Variants in BBS9 observed in about 807,000 individuals in gnomAD.
The protein encoded by BBS9 is protein PTHB1.
Under a neutral mutation model 117.7 loss-of-function variants are expected in BBS9, and 89 were observed. The ratio of observed to expected loss-of-function variants is 0.76; its 90% CI spans 0.64 to 0.90. The LOEUF (loss-of-function observed/expected upper bound fraction) is 0.90. Ranked by LOEUF, BBS9 falls within the 40% of genes least tolerant of loss-of-function variation. BBS9 has a pLI of 0.00. For missense variants in BBS9, 982 were observed against 1,042.2 expected (o/e 0.94, Z 0.80); for synonymous variants, 379 against 370.9 (o/e 1.02, Z -0.25).
intron 5 of BBS9, among the ~76,000 whole-genome samples, chr7:33,226,535 CTGTGTA>C (rs1487361934): frequency 6.6e-6 from 1 of 152,136 alleles, no homozygotes; most frequent in African/African-American, 2.4e-5. Context: ...CAACTCCACT[CTGTGTA>C]TATGTCCAAA....
At chr7:33,502,313 A>G (rs1038076174) in intron 19 of BBS9, among the ~76,000 whole-genome samples, 1 of 152,120 alleles carries the variant, frequency 6.6e-6, no homozygotes, top group African/African-American at 2.4e-5. Flanking sequence ...TGATTTTGTA[A>G]CATTTGTGGA....
At chr7:33,239,943 A>G (rs1794196469) in intron 5 of BBS9, among the ~76,000 whole-genome samples, 1 of 152,118 alleles carries the variant, frequency 6.6e-6, no homozygotes, top group Admixed American at 6.5e-5. Flanking sequence ...CAGGAGTTTG[A>G]GGCTGCAGTG....
intron 5 of BBS9, among the ~76,000 whole-genome samples, chr7:33,234,372 A>G (rs1793075589): frequency 6.6e-6 from 1 of 152,042 alleles, no homozygotes; most frequent in Non-Finnish European, 1.5e-5. Context: ...GTATATTTTT[A>G]AGGTTTACAA....
rs537020316 is a variant in BBS9 at position 33,345,986 on chromosome 7, T to C, written c.1329+1352T>C. Among the ~76,000 whole-genome samples the C allele has an allele frequency of 1.5e-3, 228 of 152,332 alleles. 1 individual carries two copies. Among genetic ancestry groups the C allele is most frequent in the Non-Finnish European group, 2.7e-3 (181 of 68,028 alleles). On this transcript the variant is annotated intron_variant, in intron 12 of 22. Transcript: ENST00000242067. The stretch of plus-strand genomic sequence containing the variant: ...ATGTGTAGTAGCCACCTTAAAATGA[T>C]GGCATGACACTACTGGAAAATTCTC...
intron 19 of BBS9, among the ~76,000 whole-genome samples, chr7:33,407,099 A>G (rs1165080795): frequency 3.9e-5 from 6 of 152,150 alleles, no homozygotes; most frequent in Non-Finnish European, 4.4e-5. Flanking sequence ...GTCTTTTCAC[A>G]TAGTCCCATA....
chr7:33,615,893 TA>T (rs1217016922), intron 21 of BBS9, among the ~76,000 whole-genome samples: 1 of 151,718 alleles, frequency 6.6e-6, no homozygotes, highest in Non-Finnish European at 1.5e-5. Flanking sequence ...AAGGGTGGAG[TA>T]AAGTATTTAG....
intron 9 of BBS9, among the ~76,000 whole-genome samples, chr7:33,285,215 T>C (rs1802652484): frequency 6.6e-6 from 1 of 152,156 alleles, no homozygotes; most frequent in African/African-American, 2.4e-5. Flanking sequence ...AGTTTTCTGG[T>C]TCATATAGAA....
intron 19 of BBS9, among the ~76,000 whole-genome samples, chr7:33,481,286 A>G (rs1374785483): frequency 6.6e-6 from 1 of 152,170 alleles, no homozygotes; most frequent in Non-Finnish European, 1.5e-5. Flanking sequence ...AGGCTAATAT[A>G]GGAGAGTAGT....
chr7:33,278,183 G>T (rs917071770), intron 9 of BBS9, among the ~76,000 whole-genome samples: 1 of 152,038 alleles, frequency 6.6e-6, no homozygotes, highest in East Asian at 1.9e-4. Context: ...TTTCACTTTC[G>T]CCCTTTGAGT....
At chr7:33,431,153 C>A (rs1393429687) in intron 19 of BBS9, among the ~76,000 whole-genome samples, 2 of 151,500 alleles carry the variant, frequency 1.3e-5, no homozygotes, top group East Asian at 3.9e-4. Flanking sequence ...CAAGATCATG[C>A]CACTGCACAT....
At chr7:33,539,792 C>G (rs1416743933) in intron 21 of BBS9, among the ~76,000 whole-genome samples, 1 of 152,204 alleles carries the variant, frequency 6.6e-6, no homozygotes, top group African/African-American at 2.4e-5. Context: ...AGGCACAGTT[C>G]TCCAGTAACA....
At chr7:33,474,940 TCAAA>T (rs763481499) in intron 19 of BBS9, among the ~76,000 whole-genome samples, 7 of 152,264 alleles carry the variant, frequency 4.6e-5, no homozygotes, top group East Asian at 3.9e-4. Flanking sequence ...AGACTCCGTC[TCAAA>T]CAAACAAACA....
intron 5 of BBS9, among the ~76,000 whole-genome samples, chr7:33,232,159 G>A (rs941568043): frequency 6.6e-6 from 1 of 151,902 alleles, no homozygotes; most frequent in African/African-American, 2.4e-5. Context: ...TTAGTTCTTT[G>A]GTACTATTAT....
chr7:33,269,137 A>T (rs1799325175), intron 7 of BBS9, among the ~76,000 whole-genome samples: 1 of 152,172 alleles, frequency 6.6e-6, no homozygotes, highest in Non-Finnish European at 1.5e-5. Context: ...GGCCAGCCCC[A>T]TTTGGATTTT....
chr7:33,588,973 A>G (rs1182388912), intron 21 of BBS9, among the ~76,000 whole-genome samples: 1 of 152,118 alleles, frequency 6.6e-6, no homozygotes, highest in Non-Finnish European at 1.5e-5. Flanking sequence ...CCTCTGGGTG[A>G]AATGGGGAAA....
At chr7:33,153,027 A>G (rs2128108832) in intron 3 of BBS9, among the ~76,000 whole-genome samples, 176 bp downstream of exon 3, 1 of 152,310 alleles carries the variant, frequency 6.6e-6, no homozygotes, top group Middle Eastern at 3.4e-3. Context: ...TACATTTAAG[A>G]TATAATAATT....
intron 19 of BBS9, among the ~76,000 whole-genome samples, chr7:33,399,385 T>G (rs967714601): frequency 6.6e-6 from 1 of 152,192 alleles, no homozygotes; most frequent in Non-Finnish European, 1.5e-5. Context: ...AACTATACAT[T>G]CAAATATTGT....
At chr7:33,183,093 A>G (rs1431546891) in intron 5 of BBS9, among the ~76,000 whole-genome samples, 1 of 152,168 alleles carries the variant, frequency 6.6e-6, no homozygotes, top group African/African-American at 2.4e-5. Flanking sequence ...TACGCATGAA[A>G]TCTCTCGCAT....
intron 5 of BBS9, among the ~76,000 whole-genome samples, chr7:33,252,062 A>G (rs1316359275): frequency 1.3e-5 from 2 of 152,152 alleles, no homozygotes; most frequent in Non-Finnish European, 2.9e-5. Context: ...GAAACTTACA[A>G]TCACGGTGGA....
Sources: allele counts gnomAD v4.1 joint callset (sites outside exome capture counted in the v4.1 genomes callset), GRCh38; gene constraint gnomAD v4.1.1; transcripts MANE v1.5; gene names NCBI Gene and HGNC (gene_info 2026-07-23, HGNC 2026-07-21).